Variants in TRRAP observed in about 807,000 individuals in gnomAD.
TRRAP encodes transformation/transcription domain-associated protein.
A neutral mutation model predicts 438.8 loss-of-function variants in TRRAP; 41 were observed. The ratio of observed to expected loss-of-function variants is 0.09; its 90% confidence interval spans 0.07 to 0.12. The LOEUF (loss-of-function observed/expected upper bound fraction) is 0.12. Among genes scored for constraint, TRRAP ranks in the 10% least tolerant of loss-of-function variants. The probability of loss-of-function intolerance (pLI) is 1.00; values close to 1 mark genes in which losing one functional copy is unlikely to be tolerated. For synonymous variants in TRRAP, 1,994 were observed against 1,962.9 expected (o/e 1.02, Z -0.42); for missense variants, 3,122 against 5,055.1 (o/e 0.62, Z 11.60).
intron 14 of TRRAP, among the ~76,000 whole-genome samples, chr7:98,909,716 T>C (rs1796972460): frequency 6.6e-6 from 1 of 152,144 alleles, no homozygotes; most frequent in African/African-American, 2.4e-5. Flanking sequence ...GCCCTGCTTG[T>C]CAGGCCAGTC....
intron 45 of TRRAP, among the ~76,000 whole-genome samples, chr7:98,959,936 T>TGAAAAAA (rs1483906654): frequency 8.9e-6 from 1 of 112,710 alleles, no homozygotes; most frequent in African/African-American, 3.8e-5. Flanking sequence ...CCTGGTCTCT[T>TGAAAAAA]AAAAAAAAAA....
chr7:99,003,514 T>C (rs1007666508), intron 67 of TRRAP, among the ~76,000 whole-genome samples: 1 of 152,086 alleles, frequency 6.6e-6, no homozygotes, highest in Non-Finnish European at 1.5e-5. Context: ...CACGGGCTCC[T>C]GGTTGTTGGG....
In TRRAP at chr7:98,921,781, C is replaced by G. The variant is rs782162105; in HGVS notation, c.2651C>G (p.Ala884Gly). ...QALWRTLRNP[A>G]DSISHVAYRV... ...CTGTGGCGCACCTTACGCAACCCTG[C>G]TGACAGCATCTCCCACGTGGCCTAC... The change falls in exon 21 of 73, where the codon GCT becomes GGT. Residue 884 changes from alanine to glycine, a missense_variant. This residue lies in a region of TRRAP where 133 missense variants were observed against 188.6 expected (regional missense o/e 0.71). Transcript: ENST00000456197. 12 of 1,614,080 alleles carry G rather than the reference C, an allele frequency of 7.4e-6. No individual in the cohort carries two copies. The Admixed American group carries it at 1.8e-4, about 25-fold the overall frequency.
At chr7:98,943,121 T>C in intron 31 of TRRAP, 104 bp downstream of exon 31, 1 of 1,193,758 alleles carries the variant, frequency 8.4e-7, no homozygotes. Context: ...AAACCTAGTT[T>C]GACGTGATTG....
intron 3 of TRRAP, among the ~76,000 whole-genome samples, chr7:98,884,520 C>T (rs1795603495): frequency 6.6e-6 from 1 of 152,194 alleles, no homozygotes. Context: ...CAAACGTGAG[C>T]CACCATGCCC....
At position 98,953,121 on chromosome 7, in the gene TRRAP, C is replaced by T. The variant is rs578025053; in HGVS notation, c.5464-46C>T. On this transcript the variant is annotated intron_variant, in intron 39 of 72. Transcript: ENST00000456197. ...CTGTCGTATGACCCTCAGTCAGTAA[C>T]CCAGTTCACAACTGGAAATGAGTCC... The T allele has an allele frequency of 7.5e-6, 12 of 1,595,194 alleles. No homozygotes were observed. In the East Asian group the frequency reaches 1.1e-4, roughly 15 times the overall value.
At chr7:98,931,808 C>G (rs1790338777) in intron 26 of TRRAP, 143 bp downstream of exon 26, 1 of 1,105,438 alleles carries the variant, frequency 9.0e-7, no homozygotes, top group Non-Finnish European at 1.3e-6. Context: ...TGCGTGGGTA[C>G]CAAAATCTGG....
chr7:98,900,484 G>T, intron 10 of TRRAP, 140 bp from the exon 11 acceptor site: 1 of 652,132 alleles, frequency 1.5e-6, no homozygotes, highest in Non-Finnish European at 2.6e-6. Flanking sequence ...GAAAGGTGTA[G>T]ACACCTTTGC....
intron 1 of TRRAP, among the ~76,000 whole-genome samples, chr7:98,880,584 C>T (rs1795384188): frequency 1.3e-5 from 2 of 152,002 alleles, no homozygotes. Context: ...TTATACCGCC[C>T]ATGAGCTAAG....
intron 30 of TRRAP, among the ~76,000 whole-genome samples, chr7:98,941,987 G>A (rs1050265526): frequency 6.6e-6 from 1 of 152,196 alleles, no homozygotes; most frequent in African/African-American, 2.4e-5. Flanking sequence ...CTAACTTCCT[G>A]TAGGACTTCG....
At chr7:98,999,976 A>C (rs1793841443) in intron 67 of TRRAP, 1 of 206,904 alleles carries the variant, frequency 4.8e-6, no homozygotes, top group Non-Finnish European at 9.4e-6. Context: ...AAAGGATGTC[A>C]GCACCGCAAT....
intron 67 of TRRAP, among the ~76,000 whole-genome samples, chr7:98,996,257 G>A (rs899622739): frequency 1.3e-5 from 2 of 152,052 alleles, no homozygotes; most frequent in African/African-American, 4.8e-5. Flanking sequence ...CCACCGCGGT[G>A]CGCACAGGCA....
At chr7:98,954,301 T>C (rs1554418980) in intron 40 of TRRAP, among the ~76,000 whole-genome samples, 1 of 152,272 alleles carries the variant, frequency 6.6e-6, no homozygotes, top group African/African-American at 2.4e-5. Flanking sequence ...GGCAAGTTAA[T>C]GTCTCCGTGT....
chr7:98,952,422 GT>G (rs1791384707), intron 39 of TRRAP, among the ~76,000 whole-genome samples: 2 of 152,150 alleles, frequency 1.3e-5, no homozygotes, highest in Non-Finnish European at 2.9e-5. Flanking sequence ...AAGAAACTCA[GT>G]CCTAAATCAC....
chr7:98,965,869 A>G lies in TRRAP; in HGVS notation c.7150A>G (p.Asn2384Asp). 6.2e-7 allele frequency: 1 copy of G among 1,614,182 alleles called. No homozygotes were observed. Among genetic ancestry groups the G allele is most frequent in the Non-Finnish European group, 8.5e-7 (1 of 1,180,040 alleles). Residue 2384 changes from asparagine to aspartate, a missense_variant, in exon 49 of 73, where the codon AAT (asparagine) becomes GAT (aspartate). This residue lies in a region of TRRAP where 992 missense variants were observed against 1,281.2 expected (regional missense o/e 0.77). Coordinates refer to ENST00000456197, the MANE Select transcript of TRRAP (RefSeq NM_001375524.1). ...VVKIVEEWVKNNSPMAANQTP... is the reference protein window; with the variant it reads ...VVKIVEEWVKDNSPMAANQTP... ...CAAAATCGTGGAAGAATGGGTCAAG[A>G]ATAACTCCCCAATGGCAGCCAATCA... is the stretch of plus-strand genomic sequence containing the variant.
At chr7:98,997,369 T>A (rs993525541) in intron 67 of TRRAP, among the ~76,000 whole-genome samples, 1 of 150,822 alleles carries the variant, frequency 6.6e-6, no homozygotes, top group Non-Finnish European at 1.5e-5. Flanking sequence ...AATCTTACTT[T>A]ACTACCAAGC....
rs759070897 is a variant in TRRAP, at chr7:99,012,397, G to T, written c.*42G>T. ...CACCCGGAATGTGAAGGGCGCTCCG[G>T]GCTCTGAGCCCGCAGCTTTTACGAC... On this transcript the variant is annotated 3_prime_UTR_variant, in exon 73 of 73. Coordinates refer to ENST00000456197, the MANE Select transcript of TRRAP (RefSeq NM_001375524.1). The surrounding 1 kb of genome is among the most constrained non-coding windows in gnomAD (Gnocchi z 5.9). 4 of 1,537,714 alleles carry T rather than the reference G, an allele frequency of 2.6e-6. No individual in the cohort carries two copies. The South Asian group carries it at 4.8e-5, about 19-fold the overall frequency.
rs571771812 is a variant in TRRAP at position 98,964,968 on chromosome 7, T to C, written c.6976+193T>C. On this transcript the variant is annotated intron_variant, in intron 48 of 72. Coordinates refer to ENST00000456197, the MANE Select transcript of TRRAP (RefSeq NM_001375524.1). Reference sequence around the variant, plus strand: ...ACTCATTGTTAAAAATGGACTGTTATTAAGCTGGGTACGGTGGCACGCCTG... The same window carrying C: ...ACTCATTGTTAAAAATGGACTGTTACTAAGCTGGGTACGGTGGCACGCCTG... Among the ~76,000 whole-genome samples, 23 of 152,376 alleles carry C rather than the reference T, an allele frequency of 1.5e-4. No individual in the cohort carries two copies. In the South Asian group the frequency reaches 1.7e-3, roughly 11 times the overall value.
chr7:98,888,047 G>A (rs368520575), intron 3 of TRRAP, among the ~76,000 whole-genome samples: 3 of 151,956 alleles, frequency 2.0e-5, no homozygotes, highest in African/African-American at 4.8e-5. Flanking sequence ...TGGCTAACAC[G>A]GTGAAACCCC....
Sources: gnomAD v4.1 joint callset for allele counts (sites outside exome capture counted in the v4.1 genomes callset) on GRCh38, gnomAD v4.1.1 for gene constraint, gnomAD v4.1.1 regional missense constraint, Gnocchi (gnomAD v3.1) non-coding constraint, MANE v1.5 for transcripts, NCBI Gene and HGNC (gene_info 2026-07-23, HGNC 2026-07-21) for gene names.